SETBP1: variants seen among roughly 807,000 people sequenced by gnomAD.
The protein encoded by SETBP1 is SET-binding protein.
SETBP1 carries 9 observed loss-of-function variants against 101.0 expected under a neutral mutation model. The observed-to-expected ratio is 0.09, with a 90% CI of 0.05 to 0.16. The LOEUF (loss-of-function observed/expected upper bound fraction) is 0.16, where lower values mean the gene tolerates loss of function less well. Ranked by LOEUF, SETBP1 falls within the 10% of genes least tolerant of loss-of-function variation. The probability of loss-of-function intolerance (pLI) is 1.00; values close to 1 mark genes in which losing one functional copy is unlikely to be tolerated. For missense variants in SETBP1, 1,858 were observed against 2,033.8 expected, an observed-to-expected ratio of 0.91 and a Z score of 1.66; for synonymous variants, 818 against 788.5, an observed-to-expected ratio of 1.04 and a Z score of -0.63.
intron 4 of SETBP1, among the ~76,000 whole-genome samples, chr18:44,957,583 C>T (rs1485465821): frequency 6.6e-6 from 1 of 152,138 alleles, no homozygotes; most frequent in Non-Finnish European, 1.5e-5. Flanking sequence ...ACCTGGCCCC[C>T]TCCACCTCTC....
intron 2 of SETBP1, among the ~76,000 whole-genome samples, chr18:44,781,097 G>A (rs950970340): frequency 2.0e-5 from 3 of 152,206 alleles, no homozygotes; most frequent in African/African-American, 7.2e-5. Flanking sequence ...AGGCAGGTAG[G>A]AACAGGGTAC....
chr18:44,908,983 C>T (rs527419389), intron 3 of SETBP1, among the ~76,000 whole-genome samples: 3 of 152,282 alleles, frequency 2.0e-5, no homozygotes, highest in Admixed American at 2.0e-4. Context: ...GCATTGTCAT[C>T]ATCACACCTC....
At chr18:44,812,163 C>G (rs750957592) in intron 2 of SETBP1, among the ~76,000 whole-genome samples, 1 of 152,094 alleles carries the variant, frequency 6.6e-6, no homozygotes, top group Non-Finnish European at 1.5e-5. Context: ...AGACATGGCT[C>G]TCTACCTCTG....
chr18:45,017,307 C>T (rs1363309282), intron 4 of SETBP1, among the ~76,000 whole-genome samples: 1 of 152,178 alleles, frequency 6.6e-6, no homozygotes, highest in Non-Finnish European at 1.5e-5. Flanking sequence ...CAACTCCAGA[C>T]CCCACCCTCC....
Position 44,702,717 on chromosome 18 carries a change from CCTGA to C in SETBP1, c.486+888_486+891del, listed in dbSNP as rs535749047. 8.8e-4 allele frequency among the ~76,000 whole-genome samples: 134 copies of C among 152,304 alleles called. 3 individuals are homozygous for C. In the South Asian group the frequency reaches 0.015, roughly 17 times the overall value. On this transcript the variant is annotated intron_variant, in intron 2 of 5. Transcript: ENST00000649279. ...AAATCTTCCTAAGATGAATTACTCA[CCTGA>C]CTAAGGAAACCCAGTCTTTGTAGTA...
chr18:44,827,832 A>G (rs2072269732), intron 2 of SETBP1, among the ~76,000 whole-genome samples: 1 of 152,204 alleles, frequency 6.6e-6, no homozygotes, highest in Admixed American at 6.5e-5. Flanking sequence ...TAAGCCTTCA[A>G]CCAGCTCTGC....
chr18:44,688,353 C>T (rs959584406), intron 1 of SETBP1, among the ~76,000 whole-genome samples: 26 of 152,110 alleles, frequency 1.7e-4, no homozygotes, highest in African/African-American at 6.3e-4. Context: ...CTTAGTAGCC[C>T]ATCAGAAGCA....
chr18:44,806,490 G>A (rs906404417), intron 2 of SETBP1, among the ~76,000 whole-genome samples: 3 of 151,996 alleles, frequency 2.0e-5, no homozygotes, highest in Admixed American at 2.0e-4. Context: ...ATATATTTAT[G>A]TACCAGTTTG....
intron 4 of SETBP1, among the ~76,000 whole-genome samples, chr18:44,974,706 A>G (rs7241605): frequency 0.098 from 14,885 of 152,228 alleles, 940 homozygotes; most frequent in East Asian, 0.28. Flanking sequence ...AAGGCAGTAC[A>G]TCTTTTTAAA....
chr18:44,937,759 A>G (rs954289668), intron 3 of SETBP1, among the ~76,000 whole-genome samples: 1 of 152,058 alleles, frequency 6.6e-6, no homozygotes, highest in Non-Finnish European at 1.5e-5. Context: ...TCCAAAATCA[A>G]TCTGCGTTTC....
intron 2 of SETBP1, among the ~76,000 whole-genome samples, chr18:44,831,302 T>C (rs1476619530): frequency 6.6e-6 from 1 of 152,230 alleles, no homozygotes; most frequent in East Asian, 1.9e-4. Context: ...CACTATCCTG[T>C]ATAAAACCAG....
chr18:45,024,789 A>C (rs2073133296), intron 4 of SETBP1, among the ~76,000 whole-genome samples: 1 of 152,230 alleles, frequency 6.6e-6, no homozygotes, highest in Non-Finnish European at 1.5e-5. Flanking sequence ...AATGCACTGC[A>C]TCCATTTCTT....
chr18:44,845,092 T>G (rs185932683), intron 2 of SETBP1, among the ~76,000 whole-genome samples: 2 of 152,178 alleles, frequency 1.3e-5, no homozygotes, highest in Non-Finnish European at 2.9e-5. Flanking sequence ...CCTTTCACTA[T>G]GGGGTGATTG....
intron 3 of SETBP1, among the ~76,000 whole-genome samples, chr18:44,890,814 G>C (rs2069751154): frequency 6.6e-6 from 1 of 152,228 alleles, no homozygotes; most frequent in South Asian, 2.1e-4. Context: ...AGGAACTGAG[G>C]ATGGAGAGAT....
chr18:44,931,304 C>A (rs975398597), intron 3 of SETBP1, among the ~76,000 whole-genome samples: 3 of 152,130 alleles, frequency 2.0e-5, no homozygotes, highest in Non-Finnish European at 4.4e-5. Context: ...GTCTGAGAGA[C>A]AGTTTGTTAT....
chr18:44,746,539 G>A (rs2070252148), intron 2 of SETBP1, among the ~76,000 whole-genome samples: 1 of 152,136 alleles, frequency 6.6e-6, no homozygotes, highest in Admixed American at 6.5e-5. Flanking sequence ...TTCACACAGG[G>A]GTTATCAAAT....
At chr18:44,767,243 A>C (rs530867642) in intron 2 of SETBP1, among the ~76,000 whole-genome samples, 173 of 152,320 alleles carry the variant, frequency 1.1e-3, no homozygotes, top group Non-Finnish European at 1.9e-3. Flanking sequence ...CTCCTTCCCA[A>C]GGTTCTACAG....
intron 2 of SETBP1, among the ~76,000 whole-genome samples, chr18:44,844,558 A>T (rs1488595985): frequency 1.3e-5 from 2 of 152,200 alleles, no homozygotes; most frequent in African/African-American, 2.4e-5. Context: ...GGCACAGTTA[A>T]TAAGGCCAGA....
intron 2 of SETBP1, among the ~76,000 whole-genome samples, chr18:44,707,196 C>T (rs916214645): frequency 6.6e-6 from 1 of 152,104 alleles, no homozygotes; most frequent in Admixed American, 6.6e-5. Flanking sequence ...GTTGCCACAC[C>T]CTATAAAAGT....
Sources: gnomAD v4.1 joint callset for allele counts (sites outside exome capture counted in the v4.1 genomes callset) on GRCh38, gnomAD v4.1.1 for gene constraint, MANE v1.5 for transcripts, NCBI Gene and HGNC (gene_info 2026-07-23, HGNC 2026-07-21) for gene names.